CHODL: variants seen among roughly 807,000 people sequenced by gnomAD.
The protein encoded by CHODL is chondrolectin.
A neutral mutation model predicts 34.5 loss-of-function variants in CHODL; 29 were observed. The observed-to-expected ratio is 0.84, with a 90% confidence interval of 0.63 to 1.15. The LOEUF is 1.15. Among genes scored for constraint, CHODL ranks in the 50% most tolerant of loss-of-function variants. The probability of loss-of-function intolerance (pLI) is 0.00; values close to 1 mark genes in which losing one functional copy is unlikely to be tolerated. For synonymous variants in CHODL, 125 were observed against 116.1 expected, an observed-to-expected ratio of 1.08 and a Z score of -0.49; for missense variants, 332 against 332.5, an observed-to-expected ratio of 1.00 and a Z score of 0.01.
At chr21:18,145,357 A>C (rs1445405387) in intron 2 of CHODL, among the ~76,000 whole-genome samples, 1 of 145,738 alleles carries the variant, frequency 6.9e-6, no homozygotes, top group Non-Finnish European at 1.5e-5. Context: ...GAATGGCGTG[A>C]ACCCGGGAGG....
chr21:17,990,319 C>T (rs1021593473), intron 1 of CHODL, among the ~76,000 whole-genome samples: 19 of 152,088 alleles, frequency 1.2e-4, no homozygotes, highest in Non-Finnish European at 2.6e-4. Flanking sequence ...CACTTCCCAA[C>T]ATTAGCTACA....
chr21:17,939,248 C>G (rs915789322), intron 1 of CHODL, among the ~76,000 whole-genome samples: 12 of 152,256 alleles, frequency 7.9e-5, no homozygotes, highest in African/African-American at 2.6e-4. Flanking sequence ...TCTCCTCCCC[C>G]CACCTCAGTA....
intron 2 of CHODL, among the ~76,000 whole-genome samples, chr21:18,214,872 C>G (rs2073808636): frequency 6.6e-6 from 1 of 151,848 alleles, no homozygotes. Flanking sequence ...TTGAAAGATT[C>G]TTTAAAAAAT....
intron 2 of CHODL, among the ~76,000 whole-genome samples, chr21:18,199,962 G>C (rs1456826492): frequency 1.3e-5 from 2 of 152,100 alleles, no homozygotes; most frequent in Admixed American, 1.3e-4. Context: ...ACTCATTTAG[G>C]TAAGTATACA....
Position 17,995,662 on chromosome 21 carries a change from G to A in CHODL, c.-144-32210G>A, listed in dbSNP as rs117605266. The stretch of plus-strand genomic sequence containing the variant: ...AAACAACAATCCCATCTCTTGTGCA[G>A]TTAGGTTCCTGCCTTTGCTGTCACC... On this transcript the variant is annotated intron_variant, in intron 1 of 6. Transcript: ENST00000400127. Among the ~76,000 whole-genome samples, 1,310 of 152,316 alleles carry A rather than the reference G, an allele frequency of 8.6e-3. 10 individuals are homozygous for A. The highest frequency in any genetic ancestry group is 0.014 in the Non-Finnish European group (972 of 68,028).
chr21:18,197,327 G>A (rs146223426), intron 2 of CHODL, among the ~76,000 whole-genome samples: 2,156 of 152,056 alleles, frequency 0.014, 46 homozygotes, highest in South Asian at 0.077. Context: ...AAAATTTATC[G>A]TGGCTGAGCG....
At chr21:18,170,173 A>G (rs1439738428) in intron 2 of CHODL, among the ~76,000 whole-genome samples, 3 of 151,948 alleles carry the variant, frequency 2.0e-5, no homozygotes, top group Non-Finnish European at 2.9e-5. Context: ...TTACTGTCAT[A>G]AAATATCTTT....
intron 2 of CHODL, among the ~76,000 whole-genome samples, chr21:18,146,482 C>A (rs1015610893): frequency 4.6e-5 from 7 of 152,036 alleles, no homozygotes; most frequent in African/African-American, 7.2e-5. Flanking sequence ...TCTCATGAGA[C>A]CTGATGGCTT....
At chr21:18,122,480 T>C (rs1421801607) in intron 2 of CHODL, among the ~76,000 whole-genome samples, 1 of 152,126 alleles carries the variant, frequency 6.6e-6, no homozygotes, top group Non-Finnish European at 1.5e-5. Context: ...AAATGGCTGA[T>C]TAAAAGCTGT....
At chr21:18,251,799 C>T (rs1305338223) in intron 1 of CHODL, among the ~76,000 whole-genome samples, 1 of 133,524 alleles carries the variant, frequency 7.5e-6, no homozygotes, top group East Asian at 2.1e-4. Flanking sequence ...ATAAAGAAGC[C>T]TCTTTTATAT....
At chr21:18,088,065 AG>A (rs1203569273) in intron 2 of CHODL, among the ~76,000 whole-genome samples, 1 of 152,120 alleles carries the variant, frequency 6.6e-6, no homozygotes, top group African/African-American at 2.4e-5. Flanking sequence ...GAGAACAGTA[AG>A]GGGTATGTTC....
At chr21:18,201,275 AT>A (rs1389761199) in intron 2 of CHODL, among the ~76,000 whole-genome samples, 1 of 152,104 alleles carries the variant, frequency 6.6e-6, no homozygotes, top group African/African-American at 2.4e-5. Flanking sequence ...TTGCCTAAAA[AT>A]TTTAGGGCTT....
upstream of CHODL, among the ~76,000 whole-genome samples, chr21:18,240,526 G>A (rs115768467): frequency 3.2e-3 from 484 of 152,222 alleles, 5 homozygotes; most frequent in African/African-American, 0.011. Flanking sequence ...AGTCAATTAT[G>A]TATCTAATAA....
intron 2 of CHODL, among the ~76,000 whole-genome samples, chr21:18,104,612 T>C (rs754502090): frequency 4.8e-4 from 73 of 152,274 alleles, no homozygotes; most frequent in Non-Finnish European, 9.1e-4. Context: ...TAGGCCAATA[T>C]AGGACTGGAC....
At chr21:18,169,927 T>G (rs1048652349) in intron 2 of CHODL, among the ~76,000 whole-genome samples, 1 of 152,058 alleles carries the variant, frequency 6.6e-6, no homozygotes, top group Non-Finnish European at 1.5e-5. Flanking sequence ...TTCCTTCTGT[T>G]ATTGATCTCT....
At chr21:18,011,147 T>C (rs1207452015) in intron 1 of CHODL, among the ~76,000 whole-genome samples, 3 of 152,216 alleles carry the variant, frequency 2.0e-5, no homozygotes, top group African/African-American at 4.8e-5. Context: ...TAAGGATATG[T>C]AGATGGGTAG....
At chr21:18,254,481 C>A (rs36124986) in intron 1 of CHODL, among the ~76,000 whole-genome samples, 25 of 151,992 alleles carry the variant, frequency 1.6e-4, no homozygotes, top group Admixed American at 1.6e-3. Context: ...GGATCCTTGG[C>A]GGTTTTAAAA....
chr21:18,261,821 A>G (rs2074386223), intron 4 of CHODL, among the ~76,000 whole-genome samples: 1 of 152,180 alleles, frequency 6.6e-6, no homozygotes, highest in African/African-American at 2.4e-5. Context: ...GTGATGGAAC[A>G]GGATTAAAAA....
chr21:18,030,159 G>A (rs1377298853), intron 2 of CHODL, among the ~76,000 whole-genome samples: 1 of 152,142 alleles, frequency 6.6e-6, no homozygotes, highest in Non-Finnish European at 1.5e-5. Flanking sequence ...GTGATGGGAT[G>A]TTACTCTTGA....
Sources: gnomAD v4.1 joint callset for allele counts (sites outside exome capture counted in the v4.1 genomes callset) on GRCh38, gnomAD v4.1.1 for gene constraint, MANE v1.5 for transcripts, NCBI Gene and HGNC (gene_info 2026-07-23, HGNC 2026-07-21) for gene names.